Variants in DCDC2 observed in about 807,000 individuals in gnomAD.
The protein encoded by DCDC2 is doublecortin domain-containing protein 2.
In DCDC2, 40 loss-of-function variants were observed where a neutral mutation model predicts 50.2. That is an observed-to-expected ratio of 0.80 (90% CI 0.62 to 1.04). The LOEUF is 1.04. DCDC2 is among the 50% of genes least tolerant of loss of function. DCDC2 has a pLI of 0.00. For synonymous variants in DCDC2, 234 were observed against 210.6 expected, an observed-to-expected ratio of 1.11 and a Z score of -0.96; for missense variants, 570 against 581.9, an observed-to-expected ratio of 0.98 and a Z score of 0.21.
chr6:24,353,686 T>C, intron 1 of DCDC2, 63 bp from the exon 2 acceptor site: 1 of 1,065,606 alleles, frequency 9.4e-7, no homozygotes, highest in South Asian at 1.8e-5. Context: ...GTAATTTATT[T>C]TTAAAAATCA....
chr6:24,221,254 C>G (rs1762112856), intron 7 of DCDC2, among the ~76,000 whole-genome samples: 1 of 152,004 alleles, frequency 6.6e-6, no homozygotes, highest in African/African-American at 2.4e-5. Context: ...CAGAATTTGG[C>G]CTCACTTCAG....
intron 2 of DCDC2, among the ~76,000 whole-genome samples, chr6:24,308,894 A>G (rs1292943017): frequency 6.6e-6 from 1 of 152,190 alleles, no homozygotes; most frequent in Non-Finnish European, 1.5e-5. Context: ...TAGACAGATA[A>G]AAGCCGAGAG....
chr6:24,325,889 T>G (rs1481795405), intron 2 of DCDC2, among the ~76,000 whole-genome samples: 1 of 149,076 alleles, frequency 6.7e-6, no homozygotes, highest in Non-Finnish European at 1.5e-5. Flanking sequence ...TGGGAAACTG[T>G]TTTTCAGTGT....
At chr6:24,372,891 A>C in the DCDC2 span, among the ~76,000 whole-genome samples, 1 of 152,224 alleles carries the variant, frequency 6.6e-6, no homozygotes, top group African/African-American at 2.4e-5. Flanking sequence ...CGTTGTGCAC[A>C]TGTACCCTAA....
intron 7 of DCDC2, among the ~76,000 whole-genome samples, chr6:24,262,041 A>G (rs1763022710): frequency 6.6e-6 from 1 of 152,142 alleles, no homozygotes; most frequent in Non-Finnish European, 1.5e-5. Context: ...AAGCAATCAC[A>G]GTGCCTGGTT....
intron 7 of DCDC2, among the ~76,000 whole-genome samples, chr6:24,246,473 CTTTTTCTTTTTTTTTTTT>C (rs1762674645): frequency 1.6e-5 from 1 of 62,230 alleles, no homozygotes; most frequent in Non-Finnish European, 3.4e-5. Context: ...AAGTCTTTTT[CTTTTTCTTTTTTTTTTTT>C]TTTTTTTTTT....
At chr6:24,234,670 T>C (rs548819852) in intron 7 of DCDC2, among the ~76,000 whole-genome samples, 3 of 152,156 alleles carry the variant, frequency 2.0e-5, no homozygotes, top group Non-Finnish European at 4.4e-5. Flanking sequence ...AGGGGAACAT[T>C]AAGATTGTGT....
intron 7 of DCDC2, among the ~76,000 whole-genome samples, chr6:24,262,640 A>C (rs1326855101): frequency 6.6e-6 from 1 of 152,202 alleles, no homozygotes; most frequent in Non-Finnish European, 1.5e-5. Context: ...GGAGTAAAGA[A>C]GACTGTCTTG....
intron 7 of DCDC2, among the ~76,000 whole-genome samples, chr6:24,235,388 A>G (rs959283622): frequency 6.6e-6 from 1 of 152,226 alleles, no homozygotes; most frequent in African/African-American, 2.4e-5. Context: ...CATAGATGTA[A>G]AAGTTCTCAG....
At chr6:24,347,599 T>C (rs955353473) in intron 2 of DCDC2, among the ~76,000 whole-genome samples, 8 of 152,230 alleles carry the variant, frequency 5.3e-5, no homozygotes, top group Non-Finnish European at 1.2e-4. Flanking sequence ...GTGCATAGGT[T>C]ATATGCAAAT....
chr6:24,178,208 C>G, intron 9 of DCDC2, 122 bp downstream of exon 9: 3 of 961,720 alleles, frequency 3.1e-6, no homozygotes, highest in Non-Finnish European at 4.7e-6. Context: ...TTGGATCTTT[C>G]CTACTCAACC....
At chr6:24,181,391 G>A (rs900070356) in intron 8 of DCDC2, among the ~76,000 whole-genome samples, 1 of 152,126 alleles carries the variant, frequency 6.6e-6, no homozygotes, top group Non-Finnish European at 1.5e-5. Context: ...TCCTCAAAGA[G>A]AACAAGCTAA....
intron 7 of DCDC2, among the ~76,000 whole-genome samples, chr6:24,266,686 GAA>G (rs545060585): frequency 6.8e-4 from 103 of 152,156 alleles, no homozygotes; most frequent in Non-Finnish European, 1.3e-3. Flanking sequence ...AAGATGTAGA[GAA>G]AAGGGAATAC....
chr6:24,187,920 G>A (rs1441893605), intron 8 of DCDC2, among the ~76,000 whole-genome samples: 2 of 152,226 alleles, frequency 1.3e-5, no homozygotes, highest in Non-Finnish European at 2.9e-5. Context: ...TAAGGAAACT[G>A]AAGCACAGGG....
intron 7 of DCDC2, among the ~76,000 whole-genome samples, chr6:24,207,277 TCTCTCTCTCTCA>T (rs1425422332): frequency 1.3e-5 from 2 of 150,968 alleles, no homozygotes; most frequent in East Asian, 3.9e-4. Context: ...TCTCTCTCTC[TCTCTCTCTCTCA>T]GACACACACA....
At chr6:24,291,195 T>A in intron 4 of DCDC2, 117 bp from the exon 5 acceptor site, 1 of 1,024,982 alleles carries the variant, frequency 9.8e-7, no homozygotes, top group Non-Finnish European at 1.4e-6. Context: ...AATAAAAACA[T>A]TCTGTACTTA....
In DCDC2 at chr6:24,205,058, C is replaced by T. The variant is rs146587418; in HGVS notation, c.967G>A (p.Gly323Arg). 1.4e-5 allele frequency: 23 copies of T among 1,613,972 alleles called. No homozygotes were observed. Among genetic ancestry groups the T allele is most frequent in the Non-Finnish European group, 1.9e-5 (23 of 1,180,000 alleles). Residue 323 changes from glycine (G) to arginine (R), a missense_variant, in exon 8 of 10, where the codon GGG becomes AGG. Physicochemically the swap from Gly to Arg is moderately radical, Grantham distance 125 (BLOSUM62 -2). Transcript: ENST00000378454. ...TCATCTTCTTGGACTTCTGCTGCCC[C>T]CCGTGTTTCAGACCTCTCTGCTCCA... is the stretch of plus-strand genomic sequence containing the variant. Reference protein sequence around the residue: ...KAGAERSETRGAAEVQEDEDT... With the variant: ...KAGAERSETRRAAEVQEDEDT...
intron 7 of DCDC2, among the ~76,000 whole-genome samples, chr6:24,234,017 G>T (rs1032577603): frequency 6.6e-6 from 1 of 152,140 alleles, no homozygotes; most frequent in Admixed American, 6.5e-5. Flanking sequence ...TCTTGTGAGA[G>T]ATGCACATAA....
intron 2 of DCDC2, among the ~76,000 whole-genome samples, chr6:24,320,319 G>T (rs1329170937): frequency 2.0e-5 from 3 of 148,748 alleles, no homozygotes; most frequent in Non-Finnish European, 4.4e-5. Context: ...TTTGGTTTTT[G>T]TTTGTTTGTT....
Sources: gnomAD v4.1 joint callset for allele counts (sites outside exome capture counted in the v4.1 genomes callset) on GRCh38, gnomAD v4.1.1 for gene constraint, MANE v1.5 for transcripts, NCBI Gene and HGNC (gene_info 2026-07-23, HGNC 2026-07-21) for gene names.